The following SOX5 variants were observed in gnomAD, a reference collection of about 807,000 sequenced individuals.
SOX5 encodes the protein SRY-box transcription factor 5.
In SOX5, 9 loss-of-function variants were observed where a neutral mutation model predicts 92.0. That is an observed-to-expected ratio of 0.10 (90% CI 0.06 to 0.17). The LOEUF is 0.17. Among genes scored for constraint, SOX5 ranks in the 10% least tolerant of loss-of-function variants. The pLI, the probability that SOX5 is intolerant of heterozygous loss-of-function variation, is 1.00. For synonymous variants in SOX5, 344 were observed against 336.3 expected (o/e 1.02, Z -0.25); for missense variants, 642 against 944.5 (o/e 0.68, Z 4.20).
chr12:24,046,743 G>A (rs1323710502), intron 4 of SOX5, among the ~76,000 whole-genome samples: 2 of 148,644 alleles, frequency 1.3e-5, no homozygotes, highest in African/African-American at 5.0e-5. Context: ...GCAATGGTGC[G>A]ATCTCGGCTC....
intron 5 of SOX5, among the ~76,000 whole-genome samples, chr12:23,735,415 T>G (rs2093553618): frequency 6.6e-6 from 1 of 152,204 alleles, no homozygotes; most frequent in African/African-American, 2.4e-5. Context: ...TTTTCCCCGA[T>G]CATGAACTTT....
chr12:24,356,390 T>C (rs1954828288), intron 2 of SOX5, among the ~76,000 whole-genome samples: 1 of 152,222 alleles, frequency 6.6e-6, no homozygotes, highest in Admixed American at 6.5e-5. Flanking sequence ...GCTTTTCTGG[T>C]TTCTTTCTTT....
intron 4 of SOX5, among the ~76,000 whole-genome samples, chr12:24,032,927 T>C (rs1246891606): frequency 6.6e-6 from 1 of 151,920 alleles, no homozygotes; most frequent in East Asian, 1.9e-4. Context: ...CACTTGGACT[T>C]TTTGTTCTTT....
At chr12:23,757,817 G>C (rs962950674) in intron 3 of SOX5, among the ~76,000 whole-genome samples, 3 of 151,794 alleles carry the variant, frequency 2.0e-5, no homozygotes, top group Admixed American at 6.6e-5. Flanking sequence ...CCTGCAGCTA[G>C]ACAAAATATT....
intron 3 of SOX5, among the ~76,000 whole-genome samples, chr12:24,222,451 T>C (rs1372101750): frequency 1.3e-5 from 2 of 152,108 alleles, no homozygotes; most frequent in Non-Finnish European, 2.9e-5. Flanking sequence ...GAGTCAAGGA[T>C]GACTCCTACA....
chr12:24,476,995 C>CAAAAA (rs11385447), intron 1 of SOX5, among the ~76,000 whole-genome samples: 22 of 53,574 alleles, frequency 4.1e-4, no homozygotes, highest in East Asian at 2.4e-3. Context: ...AGACCCCTCT[C>CAAAAA]AAAAAAAAAA....
intron 4 of SOX5, among the ~76,000 whole-genome samples, chr12:24,031,546 TG>T (rs1569509217): frequency 6.6e-6 from 1 of 151,714 alleles, no homozygotes; most frequent in Non-Finnish European, 1.5e-5. Context: ...TGAAGGAGGC[TG>T]GGGAGTTGCT....
At chr12:23,746,479 T>C (rs1190085472) in intron 4 of SOX5, among the ~76,000 whole-genome samples, 1 of 152,176 alleles carries the variant, frequency 6.6e-6, no homozygotes, top group Admixed American at 6.6e-5. Context: ...GTGTGACTGA[T>C]AGTAATTTAT....
At position 24,393,235 on chromosome 12, in the gene SOX5, C is replaced by G. The variant is rs955892195; in HGVS notation, c.-250-24596G>C. On this transcript the variant is annotated intron_variant, in intron 1 of 4. Coordinates refer to the SOX5 transcript ENST00000446891. This position sits in a 1 kb window ranked among gnomAD's most constrained non-coding sequence, Gnocchi z 5.0. ...GATGATGACAGCTAGCAGACAAATC[C>G]TGTTCCCCATTCTAAATTCTGTCTA... Among the ~76,000 whole-genome samples the G allele has an allele frequency of 6.6e-6, 1 of 152,186 alleles. No homozygotes were observed. Among genetic ancestry groups the G allele is most frequent in the Non-Finnish European group, 1.5e-5 (1 of 68,032 alleles).
intron 4 of SOX5, among the ~76,000 whole-genome samples, chr12:23,961,198 T>C (rs1300890809): frequency 3.9e-5 from 6 of 152,180 alleles, no homozygotes; most frequent in Admixed American, 3.9e-4. Flanking sequence ...GAATTTATTT[T>C]CTTAAATTAG....
chr12:24,319,141 C>G (rs1043877182), intron 2 of SOX5, among the ~76,000 whole-genome samples: 6 of 152,150 alleles, frequency 3.9e-5, no homozygotes, highest in Admixed American at 2.0e-4. Flanking sequence ...ATGCCATGCT[C>G]TTCCATTCCT....
At chr12:24,220,539 A>T (rs1960158402) in intron 3 of SOX5, among the ~76,000 whole-genome samples, 2 of 152,198 alleles carry the variant, frequency 1.3e-5, no homozygotes, top group Admixed American at 1.3e-4. Flanking sequence ...GCTATTAAAT[A>T]AAGTGACAAA....
upstream of SOX5, among the ~76,000 whole-genome samples, chr12:23,952,749 A>G (rs2139889323): frequency 6.6e-6 from 1 of 152,284 alleles, no homozygotes; most frequent in East Asian, 1.9e-4. Context: ...ATCATAAGGA[A>G]TTTTGTTCAC....
At chr12:23,897,924 A>G (rs1377703880) in intron 1 of SOX5, among the ~76,000 whole-genome samples, 1 of 152,192 alleles carries the variant, frequency 6.6e-6, no homozygotes. Flanking sequence ...TTCCAATCCC[A>G]TGAACAAGGC....
chr12:23,883,265 A>G (rs1262570037), intron 2 of SOX5, among the ~76,000 whole-genome samples: 1 of 152,116 alleles, frequency 6.6e-6, no homozygotes, highest in Non-Finnish European at 1.5e-5. Flanking sequence ...ATGAGTTTGC[A>G]TCTCATGTTC....
At chr12:24,011,172 T>C (rs186868101) in intron 4 of SOX5, among the ~76,000 whole-genome samples, 110 of 152,278 alleles carry the variant, frequency 7.2e-4, no homozygotes, top group African/African-American at 2.6e-3. Flanking sequence ...TACTTACATA[T>C]AGGCAGAATT....
At chr12:23,666,012 T>C (rs566459190) in intron 6 of SOX5, among the ~76,000 whole-genome samples, 1 of 152,316 alleles carries the variant, frequency 6.6e-6, no homozygotes, top group African/African-American at 2.4e-5. Flanking sequence ...TCTTCATTAT[T>C]TGAGGACAAA....
At chr12:23,756,755 T>A (rs1191256699) in intron 3 of SOX5, among the ~76,000 whole-genome samples, 1 of 151,938 alleles carries the variant, frequency 6.6e-6, no homozygotes, top group African/African-American at 2.4e-5. Context: ...GTATGTGTGT[T>A]TGTTCAGGCA....
At chr12:24,139,924 C>T (rs999919063) in intron 4 of SOX5, among the ~76,000 whole-genome samples, 6 of 152,008 alleles carry the variant, frequency 3.9e-5, no homozygotes, top group African/African-American at 7.2e-5. Flanking sequence ...ATACGTGCAC[C>T]GTCATCAGAA....
Sources: gnomAD v4.1 joint callset for allele counts (sites outside exome capture counted in the v4.1 genomes callset) on GRCh38, gnomAD v4.1.1 for gene constraint, Gnocchi (gnomAD v3.1) non-coding constraint, MANE v1.5 for transcripts, NCBI Gene and HGNC (gene_info 2026-07-23, HGNC 2026-07-21) for gene names.